The following CDH18 variants were observed in gnomAD, a reference collection of about 807,000 sequenced individuals.
The protein encoded by CDH18 is cadherin 18.
A neutral mutation model predicts 67.9 loss-of-function variants in CDH18; 31 were observed. The observed-to-expected ratio is 0.46, with a 90% CI of 0.34 to 0.62. CDH18 has a LOEUF of 0.62. CDH18 is among the 20% of genes least tolerant of loss of function. The pLI is 0.01. For missense variants in CDH18, 890 were observed against 975.5 expected, an observed-to-expected ratio of 0.91 and a Z score of 1.17; for synonymous variants, 362 against 347.2, an observed-to-expected ratio of 1.04 and a Z score of -0.48.
chr5:19,775,650 T>A lies in CDH18; in HGVS notation c.229-28414A>T, dbSNP rs186878073. ...TCTGCCCTGTGATCCAAACACCACC[T>A]ACCAGGCACCACTTCCATCATTGAG... On this transcript the variant is annotated intron_variant, in intron 3 of 12. Transcript: ENST00000382275. Among the ~76,000 whole-genome samples the A allele has an allele frequency of 7.2e-5, 11 of 152,236 alleles. No individual in the cohort carries two copies. The East Asian group carries it at 1.5e-3, about 21-fold the overall frequency.
chr5:20,003,045 C>T lies in CDH18; in HGVS notation c.-517-11031G>A, dbSNP rs565763514. On this transcript the variant is annotated intron_variant, in intron 2 of 14. Coordinates refer to the CDH18 transcript ENST00000507958. ...ACATGCAAATTAATTACGATGTGAA[C>T]CTATTCAATCATTTTAGAACATTAT... is the stretch of plus-strand genomic sequence containing the variant. 2.6e-5 allele frequency among the ~76,000 whole-genome samples: 4 copies of T among 151,642 alleles called. No homozygotes were observed. The South Asian group carries it at 6.3e-4, about 24-fold the overall frequency.
chr5:19,887,368 T>C (rs1387729429), intron 2 of CDH18, among the ~76,000 whole-genome samples: 1 of 152,074 alleles, frequency 6.6e-6, no homozygotes, highest in Non-Finnish European at 1.5e-5. Flanking sequence ...TGTGTGCGTT[T>C]GATATATCTC....
intron 1 of CDH18, among the ~76,000 whole-genome samples, chr5:20,464,193 C>G (rs1751474142): frequency 6.6e-6 from 1 of 151,898 alleles, no homozygotes; most frequent in South Asian, 2.1e-4. Context: ...ATTGACAAAC[C>G]AATCAAAAAA....
intron 2 of CDH18, among the ~76,000 whole-genome samples, chr5:20,003,930 A>G (rs976894077): frequency 6.6e-6 from 1 of 152,194 alleles, no homozygotes; most frequent in African/African-American, 2.4e-5. Flanking sequence ...ACAAACAAAC[A>G]AAAAACAAAA....
At chr5:20,202,358 C>A (rs1213665643) in intron 2 of CDH18, among the ~76,000 whole-genome samples, 1 of 152,068 alleles carries the variant, frequency 6.6e-6, no homozygotes, top group South Asian at 2.1e-4. Flanking sequence ...TAGCCATGCA[C>A]CAAAAGAGCT....
chr5:20,444,526 G>GC (rs536987302), intron 1 of CDH18, among the ~76,000 whole-genome samples: 14 of 152,082 alleles, frequency 9.2e-5, no homozygotes, highest in Non-Finnish European at 1.8e-4. Flanking sequence ...AACAGAGCAA[G>GC]CCTCTGTCTC....
At position 19,765,402 on chromosome 5, in the gene CDH18, T is replaced by TA. The variant is rs1364022747; in HGVS notation, c.229-18167_229-18166insT. On this transcript the variant is annotated intron_variant, in intron 3 of 12. Transcript: ENST00000382275. ...TAGTCCTGTTTCTTTTTTTATTTTT[T>TA]TTTTAATAAAAAAGCTAAAAGTTAT... is the stretch of plus-strand genomic sequence containing the variant. 2.5e-3 allele frequency among the ~76,000 whole-genome samples: 128 copies of TA among 51,470 alleles called. 1 individual carries two copies. Among genetic ancestry groups the TA allele is most frequent in the Non-Finnish European group, 0.011 (74 of 6,588 alleles). 33.8% of individuals were successfully genotyped at this position (51,470 alleles called of 152,430 possible).
At chr5:20,528,759 T>C (rs1461082985) in intron 1 of CDH18, among the ~76,000 whole-genome samples, 1 of 151,928 alleles carries the variant, frequency 6.6e-6, no homozygotes, top group Non-Finnish European at 1.5e-5. Context: ...AAAAGAGAAA[T>C]TTATAGCACT....
At chr5:19,897,129 C>T (rs139030476) in intron 2 of CDH18, among the ~76,000 whole-genome samples, 288 of 151,468 alleles carry the variant, frequency 1.9e-3, no homozygotes, top group African/African-American at 6.7e-3. Context: ...AAAGAAACAC[C>T]CATTAATAGA....
chr5:19,992,887 A>G (rs1202192593), upstream of CDH18, among the ~76,000 whole-genome samples: 1 of 152,142 alleles, frequency 6.6e-6, no homozygotes, highest in Non-Finnish European at 1.5e-5. Context: ...GTGTTTAAGT[A>G]CAACTTTTGG....
At chr5:19,509,400 T>C in intron 10 of CDH18, among the ~76,000 whole-genome samples, 1 of 152,186 alleles carries the variant, frequency 6.6e-6, no homozygotes, top group East Asian at 1.9e-4. Flanking sequence ...GTATACAACA[T>C]ACCCATGTAA....
At chr5:19,971,265 A>G (rs1232416344) in intron 2 of CDH18, among the ~76,000 whole-genome samples, 2 of 152,010 alleles carry the variant, frequency 1.3e-5, no homozygotes, top group African/African-American at 4.8e-5. Flanking sequence ...ATTTTCCAGT[A>G]TAAAATAACC....
At chr5:20,028,635 T>TA (rs1739122988) in intron 2 of CDH18, among the ~76,000 whole-genome samples, 2 of 152,296 alleles carry the variant, frequency 1.3e-5, no homozygotes, top group Middle Eastern at 3.4e-3. Context: ...TAAAGCCACT[T>TA]AAACTCTGAT....
At chr5:20,001,935 C>T (rs1354923874) in intron 2 of CDH18, among the ~76,000 whole-genome samples, 1 of 152,178 alleles carries the variant, frequency 6.6e-6, no homozygotes, top group African/African-American at 2.4e-5. Flanking sequence ...AAGTCATTTT[C>T]AAAGTGGCAC....
chr5:20,211,042 T>C (rs977030924), intron 2 of CDH18, among the ~76,000 whole-genome samples: 10 of 152,166 alleles, frequency 6.6e-5, no homozygotes, highest in Middle Eastern at 3.2e-3. Flanking sequence ...TATTAGGTGT[T>C]CAGTTCCAGA....
At chr5:19,544,105 A>G in intron 8 of CDH18, 100 bp from the exon 9 acceptor site, 1 of 457,202 alleles carries the variant, frequency 2.2e-6, no homozygotes, top group Non-Finnish European at 3.7e-6. Flanking sequence ...ATATTCAAAT[A>G]TACTTTTAAA....
chr5:20,548,726 C>G (rs1757477185), intron 1 of CDH18, among the ~76,000 whole-genome samples: 1 of 152,160 alleles, frequency 6.6e-6, no homozygotes, highest in Non-Finnish European at 1.5e-5. Context: ...TACATAACTA[C>G]TGCTAAACTT....
chr5:19,799,237 A>G (rs570726462), intron 3 of CDH18, among the ~76,000 whole-genome samples: 327 of 152,192 alleles, frequency 2.1e-3, no homozygotes, highest in Non-Finnish European at 3.1e-3. Flanking sequence ...TGTGGATGCA[A>G]TGGGCTGGGG....
intron 5 of CDH18, among the ~76,000 whole-genome samples, chr5:19,633,019 T>G (rs1350420696): frequency 6.6e-6 from 1 of 152,192 alleles, no homozygotes; most frequent in African/African-American, 2.4e-5. Context: ...GCCAACGTAG[T>G]GTGCTCATTC....
Sources: allele counts gnomAD v4.1 joint callset (sites outside exome capture counted in the v4.1 genomes callset), GRCh38; gene constraint gnomAD v4.1.1; transcripts MANE v1.5; gene names NCBI Gene and HGNC (gene_info 2026-07-23, HGNC 2026-07-21).